The following PTPRN2 variants were observed in gnomAD, a reference collection of about 807,000 sequenced individuals.
The protein encoded by PTPRN2 is protein tyrosine phosphatase receptor type N2.
Under a neutral mutation model 118.8 loss-of-function variants are expected in PTPRN2, and 74 were observed. The observed-to-expected ratio is 0.62, with a 90% CI of 0.52 to 0.76. The LOEUF is 0.76. Among genes scored for constraint, PTPRN2 ranks in the 30% least tolerant of loss-of-function variants. PTPRN2 has a pLI of 0.00. For missense variants in PTPRN2, 1,481 were observed against 1,394.4 expected (o/e 1.06, Z -0.99); for synonymous variants, 641 against 608.0 (o/e 1.05, Z -0.80).
At chr7:157,743,207 C>A (rs922412251) in intron 12 of PTPRN2, among the ~76,000 whole-genome samples, 1 of 152,198 alleles carries the variant, frequency 6.6e-6, no homozygotes, top group African/African-American at 2.4e-5. Flanking sequence ...GCAGGGGAGG[C>A]AGCTCTGGGA....
In PTPRN2 at chr7:157,831,890, G is replaced by C. The variant is rs774994769; in HGVS notation, c.1788+66783C>G. ...TTTAATTCATAGCCATCCTTAAGCT[G>C]GGGGAGGGCAGTTATGGAGCTCCAG... On this transcript the variant is annotated intron_variant, in intron 12 of 22. Coordinates refer to ENST00000389418, the MANE Select transcript of PTPRN2 (RefSeq NM_002847.5). The surrounding 1 kb of genome is among the most constrained non-coding windows in gnomAD (Gnocchi z 4.8). Among the ~76,000 whole-genome samples the C allele has an allele frequency of 4.6e-5, 7 of 152,234 alleles. No individual in the cohort carries two copies. The highest frequency in any genetic ancestry group is 7.3e-5 in the Non-Finnish European group (5 of 68,056).
chr7:158,324,392 T>C (rs1803309401), intron 2 of PTPRN2, among the ~76,000 whole-genome samples: 1 of 152,150 alleles, frequency 6.6e-6, no homozygotes, highest in Non-Finnish European at 1.5e-5. Context: ...CGTGGAAGTG[T>C]TTAAGACCAT....
At chr7:158,142,469 C>T (rs1160713299) in intron 6 of PTPRN2, among the ~76,000 whole-genome samples, 2 of 152,334 alleles carry the variant, frequency 1.3e-5, no homozygotes, top group South Asian at 2.1e-4. Flanking sequence ...GCAGCTGTAC[C>T]CAGATCTCTC....
At chr7:158,070,377 CCGTGGTGGTGGAGGTGCT>C (rs1334986251) in intron 11 of PTPRN2, among the ~76,000 whole-genome samples, 91 of 105,102 alleles carry the variant, frequency 8.7e-4, no homozygotes, top group African/African-American at 3.5e-3. Flanking sequence ...GTGGAGGTGC[CCGTGGTGGTGGAGGTGCT>C]CGTGGTGGTG....
chr7:157,670,608 C>T (rs1796360941), intron 13 of PTPRN2, among the ~76,000 whole-genome samples: 1 of 152,138 alleles, frequency 6.6e-6, no homozygotes, highest in South Asian at 2.1e-4. Flanking sequence ...CCAGTCACAC[C>T]GCAGCAAAGC....
At chr7:158,548,401 T>A (rs918063142) in intron 1 of PTPRN2, among the ~76,000 whole-genome samples, 1 of 149,612 alleles carries the variant, frequency 6.7e-6, no homozygotes, top group African/African-American at 2.4e-5. Context: ...TCAAACTGAG[T>A]GCCTTCCAGC....
At chr7:158,404,521 G>A (rs763876105) in intron 2 of PTPRN2, among the ~76,000 whole-genome samples, 1 of 152,134 alleles carries the variant, frequency 6.6e-6, no homozygotes, top group South Asian at 2.1e-4. Flanking sequence ...CCCAGGGGAC[G>A]TGGCTTTGGG....
chr7:158,383,970 G>A (rs1313109129), intron 2 of PTPRN2, among the ~76,000 whole-genome samples: 1 of 152,210 alleles, frequency 6.6e-6, no homozygotes, highest in Non-Finnish European at 1.5e-5. Context: ...TCCTTGGCTT[G>A]AAAATGCCAC....
intron 6 of PTPRN2, among the ~76,000 whole-genome samples, chr7:158,152,678 C>T (rs956767405): frequency 8.5e-5 from 13 of 152,216 alleles, no homozygotes; most frequent in East Asian, 1.9e-4. Flanking sequence ...ACCACCCTGG[C>T]CCCTACCACA....
chr7:158,204,359 C>T (rs1441725934), intron 4 of PTPRN2, among the ~76,000 whole-genome samples: 1 of 152,248 alleles, frequency 6.6e-6, no homozygotes, highest in African/African-American at 2.4e-5. Flanking sequence ...CACACGTTCT[C>T]ACTCTTGATC....
intron 3 of PTPRN2, among the ~76,000 whole-genome samples, chr7:158,272,436 A>C (rs1304367142): frequency 6.6e-6 from 1 of 152,200 alleles, no homozygotes; most frequent in Admixed American, 6.5e-5. Context: ...AGAAGTAGGG[A>C]TATACCTTCA....
At chr7:158,190,969 G>T (rs1353282576) in intron 5 of PTPRN2, among the ~76,000 whole-genome samples, 1 of 152,262 alleles carries the variant, frequency 6.6e-6, no homozygotes, top group Non-Finnish European at 1.5e-5. Context: ...CACCTGCTAA[G>T]ACACAGAAGT....
At chr7:158,049,274 C>A (rs1214134920) in intron 11 of PTPRN2, among the ~76,000 whole-genome samples, 3 of 151,968 alleles carry the variant, frequency 2.0e-5, no homozygotes, top group African/African-American at 7.3e-5. Context: ...TTTGTCCTTT[C>A]AGTTGGGCAT....
At position 158,491,788 on chromosome 7, in the gene PTPRN2, C is replaced by T. The variant is rs1821468496; in HGVS notation, c.113-2003G>A. ...TACAGGCGTGAGCCACCGCGCCTGGCCAGCATTTCATTTCTTAATCCCATT... is the reference window on the plus strand; with the variant it reads ...TACAGGCGTGAGCCACCGCGCCTGGTCAGCATTTCATTTCTTAATCCCATT... On this transcript the variant is annotated intron_variant, in intron 1 of 22. Transcript: ENST00000389418. Among the ~76,000 whole-genome samples the T allele has an allele frequency of 2.0e-5, 3 of 152,234 alleles. No individual in the cohort carries two copies. In the South Asian group the frequency reaches 6.2e-4, roughly 32 times the overall value.
chr7:158,256,593 T>G (rs901383068), intron 3 of PTPRN2, among the ~76,000 whole-genome samples: 1 of 151,936 alleles, frequency 6.6e-6, no homozygotes, highest in Non-Finnish European at 1.5e-5. Flanking sequence ...GGGGGGAACC[T>G]AGGCAGCTCC....
chr7:158,451,714 C>T (rs570268394), intron 2 of PTPRN2, among the ~76,000 whole-genome samples: 4 of 152,270 alleles, frequency 2.6e-5, no homozygotes, highest in East Asian at 1.9e-4. Flanking sequence ...AGAATCATTG[C>T]GCATTTGGTT....
chr7:158,361,647 G>C (rs980453793), intron 2 of PTPRN2, among the ~76,000 whole-genome samples: 2 of 152,186 alleles, frequency 1.3e-5, no homozygotes, highest in Non-Finnish European at 2.9e-5. Flanking sequence ...CCTCAGGACA[G>C]GCTGTTAGCA....
intron 2 of PTPRN2, among the ~76,000 whole-genome samples, chr7:158,367,676 T>C (rs1809643639): frequency 1.3e-5 from 2 of 152,214 alleles, no homozygotes. Flanking sequence ...GGATAAGCTC[T>C]ATTAATGTTA....
intron 12 of PTPRN2, among the ~76,000 whole-genome samples, chr7:157,851,395 A>G (rs1254542994): frequency 6.6e-6 from 1 of 152,210 alleles, no homozygotes; most frequent in South Asian, 2.1e-4. Context: ...TAATACAAAT[A>G]TAGTCTGATG....
Sources: gnomAD v4.1 joint callset for allele counts (sites outside exome capture counted in the v4.1 genomes callset) on GRCh38, gnomAD v4.1.1 for gene constraint, Gnocchi (gnomAD v3.1) non-coding constraint, MANE v1.5 for transcripts, NCBI Gene and HGNC (gene_info 2026-07-23, HGNC 2026-07-21) for gene names.